The following ADGRL3 variants were observed in gnomAD, a reference collection of about 807,000 sequenced individuals.
ADGRL3 encodes the protein adhesion G protein-coupled receptor L3.
Under a neutral mutation model 153.5 loss-of-function variants are expected in ADGRL3, and 62 were observed. That is an observed-to-expected ratio of 0.40 (90% CI 0.33 to 0.50). The LOEUF (loss-of-function observed/expected upper bound fraction) is 0.50. Ranked by LOEUF, ADGRL3 falls within the 20% of genes least tolerant of loss-of-function variation. ADGRL3 has a pLI of 0.47. For missense variants in ADGRL3, 1,641 were observed against 1,859.4 expected (o/e 0.88, Z 2.16); for synonymous variants, 710 against 672.5 (o/e 1.06, Z -0.86).
At chr4:61,748,389 C>G (rs1242657373) in intron 8 of ADGRL3, among the ~76,000 whole-genome samples, 1 of 151,578 alleles carries the variant, frequency 6.6e-6, no homozygotes, top group East Asian at 2.0e-4. Context: ...CAAAAAAGAG[C>G]CTGCATTCCC....
intron 8 of ADGRL3, among the ~76,000 whole-genome samples, chr4:61,787,981 C>T (rs1448293141): frequency 6.6e-6 from 1 of 152,074 alleles, no homozygotes; most frequent in Non-Finnish European, 1.5e-5. Flanking sequence ...ACTGCAAAAC[C>T]AATAGCTGTC....
chr4:61,519,680 T>C (rs1465887172), intron 4 of ADGRL3, among the ~76,000 whole-genome samples: 1 of 152,082 alleles, frequency 6.6e-6, no homozygotes, highest in Non-Finnish European at 1.5e-5. Flanking sequence ...AAAAATGAAA[T>C]TGAAGTAAGA....
At chr4:61,275,588 GTTTCTC>G (rs1560414477) in intron 1 of ADGRL3, among the ~76,000 whole-genome samples, 2 of 152,126 alleles carry the variant, frequency 1.3e-5, no homozygotes, top group East Asian at 3.9e-4. Context: ...TGAAAAGTTT[GTTTCTC>G]TATGTTCTTT....
chr4:61,704,616 T>G (rs2095824951), intron 6 of ADGRL3, among the ~76,000 whole-genome samples: 1 of 152,168 alleles, frequency 6.6e-6, no homozygotes, highest in Non-Finnish European at 1.5e-5. Flanking sequence ...AACAATGAAG[T>G]GTTCACATGG....
chr4:61,476,064 G>A (rs1032029456), intron 2 of ADGRL3, among the ~76,000 whole-genome samples: 14 of 152,082 alleles, frequency 9.2e-5, no homozygotes, highest in African/African-American at 3.4e-4. Context: ...ATTCATCATT[G>A]TATTTAGGAG....
chr4:61,627,318 A>G (rs2149951551), intron 5 of ADGRL3, among the ~76,000 whole-genome samples: 1 of 152,284 alleles, frequency 6.6e-6, no homozygotes, highest in African/African-American at 2.4e-5. Context: ...GGTAATTATT[A>G]ATAATGAATA....
intron 5 of ADGRL3, among the ~76,000 whole-genome samples, chr4:61,670,362 A>G (rs574720015): frequency 1.1e-4 from 16 of 152,238 alleles, no homozygotes; most frequent in Admixed American, 9.2e-4. Context: ...AACTAATATC[A>G]TCTTTATATG....
Position 61,786,369 on chromosome 4 carries a change from C to T in ADGRL3, c.1400-27440C>T, listed in dbSNP as rs572949138. On this transcript the variant is annotated intron_variant, in intron 8 of 26. Transcript: ENST00000683033. ...TTTGAGTGAGGTTATTTGGCAAGCA[C>T]TGTGAGGATGTAACATATGACTCTT... Among the ~76,000 whole-genome samples, 222 of 152,276 alleles carry T rather than the reference C, an allele frequency of 1.5e-3. 3 individuals carry two copies. The highest frequency in any genetic ancestry group is 5.0e-3 in the African/African-American group (206 of 41,558).
chr4:61,364,810 T>G (rs765345071), intron 1 of ADGRL3, among the ~76,000 whole-genome samples: 2 of 152,210 alleles, frequency 1.3e-5, no homozygotes, highest in Non-Finnish European at 2.9e-5. Flanking sequence ...CAATGGTTAC[T>G]GTAATGTTGT....
intron 5 of ADGRL3, among the ~76,000 whole-genome samples, chr4:61,631,430 C>A (rs966364577): frequency 1.3e-5 from 2 of 152,178 alleles, no homozygotes; most frequent in Non-Finnish European, 2.9e-5. Context: ...CTCAACATTT[C>A]TTTAAAGCAT....
chr4:61,419,067 G>A (rs1411631277), intron 2 of ADGRL3, among the ~76,000 whole-genome samples: 1 of 150,528 alleles, frequency 6.6e-6, no homozygotes. Flanking sequence ...AAGAATGTTG[G>A]TATACTTTCT....
At chr4:61,213,476 G>A (rs1425715270) in intron 1 of ADGRL3, among the ~76,000 whole-genome samples, 3 of 151,860 alleles carry the variant, frequency 2.0e-5, no homozygotes, top group Non-Finnish European at 4.4e-5. Context: ...TCTGATTATA[G>A]TACATGCTTA....
At position 61,693,624 on chromosome 4, in the gene ADGRL3, G is replaced by A. The variant is rs528424735; in HGVS notation, c.583+16689G>A. Among the ~76,000 whole-genome samples, 17 of 152,222 alleles carry A rather than the reference G, an allele frequency of 1.1e-4. No homozygotes were observed. The East Asian group carries it at 2.9e-3, about 26-fold the overall frequency. On this transcript the variant is annotated intron_variant, in intron 6 of 26. Coordinates refer to ENST00000683033, the MANE Select transcript of ADGRL3 (RefSeq NM_001387552.1). The stretch of plus-strand genomic sequence containing the variant: ...TTCATCCAATATCAGTTCTTGTTGC[G>A]GATGAGGTATTGATGTTTTGTGATA...
At chr4:61,461,775 A>C (rs1424554167) in intron 2 of ADGRL3, among the ~76,000 whole-genome samples, 1 of 152,138 alleles carries the variant, frequency 6.6e-6, no homozygotes, top group Non-Finnish European at 1.5e-5. Context: ...CTATAGAAAC[A>C]CTGTTGTGTA....
At chr4:61,971,255 C>G (rs2099026384) in intron 17 of ADGRL3, among the ~76,000 whole-genome samples, 1 of 151,808 alleles carries the variant, frequency 6.6e-6, no homozygotes, top group Non-Finnish European at 1.5e-5. Context: ...GTGCTGCACC[C>G]ATTAACTCGT....
At chr4:61,542,310 C>G (rs1476099477) in intron 4 of ADGRL3, among the ~76,000 whole-genome samples, 3 of 152,076 alleles carry the variant, frequency 2.0e-5, no homozygotes, top group Non-Finnish European at 4.4e-5. Flanking sequence ...TTACTGTGAA[C>G]AAATATACAT....
chr4:61,949,017 GA>G (rs78444273), intron 17 of ADGRL3, among the ~76,000 whole-genome samples: 291 of 120,194 alleles, frequency 2.4e-3, no homozygotes, highest in African/African-American at 5.3e-3. Context: ...AGGAAACTCA[GA>G]AAAAAAAAAA....
Position 61,202,535 on chromosome 4 carries a change from C to G in ADGRL3, c.-240+770C>G, listed in dbSNP as rs1357729584. Among the ~76,000 whole-genome samples the G allele has an allele frequency of 6.6e-6, 1 of 152,052 alleles. No individual in the cohort carries two copies. Among genetic ancestry groups the G allele is most frequent in the Non-Finnish European group, 1.5e-5 (1 of 68,004 alleles). ...CGGGGGGCGGCGGTGTTGCACGAATCCGGGCGGCCGCGGCGCCGGGGCGGG... is the reference window on the plus strand; with the variant it reads ...CGGGGGGCGGCGGTGTTGCACGAATGCGGGCGGCCGCGGCGCCGGGGCGGG... On this transcript the variant is annotated intron_variant, in intron 1 of 26. Transcript: ENST00000683033. The surrounding 1 kb of genome is among the most constrained non-coding windows in gnomAD (Gnocchi z 5.0).
chr4:61,433,665 T>TCTATTCTAGTTGA (rs1417895229), intron 2 of ADGRL3, among the ~76,000 whole-genome samples: 1 of 152,168 alleles, frequency 6.6e-6, no homozygotes, highest in Non-Finnish European at 1.5e-5. Context: ...TCTTAACATT[T>TCTATTCTAGTTGA]CTCTATAAGT....
Sources: allele counts gnomAD v4.1 joint callset (sites outside exome capture counted in the v4.1 genomes callset), GRCh38; gene constraint gnomAD v4.1.1; non-coding constraint Gnocchi (gnomAD v3.1); transcripts MANE v1.5; gene names NCBI Gene and HGNC (gene_info 2026-07-23, HGNC 2026-07-21).